Variants in SORCS1 observed in about 807,000 individuals in gnomAD.
SORCS1 encodes the protein sortilin related VPS10 domain containing receptor 1, also known as VPS10 domain-containing receptor SorCS1.
In SORCS1, 60 loss-of-function variants were observed where a neutral mutation model predicts 146.1. The ratio of observed to expected loss-of-function variants is 0.41; its 90% CI spans 0.33 to 0.51. The LOEUF (loss-of-function observed/expected upper bound fraction) is 0.51. Ranked by LOEUF, SORCS1 falls within the 20% of genes least tolerant of loss-of-function variation. The pLI is 0.21. For missense variants in SORCS1, 1,352 were observed against 1,487.6 expected (o/e 0.91, Z 1.50); for synonymous variants, 637 against 584.0 (o/e 1.09, Z -1.31).
chr10:106,876,001 A>C lies in SORCS1; in HGVS notation c.627-46328T>G, dbSNP rs570704095. 5.9e-5 allele frequency among the ~76,000 whole-genome samples: 9 copies of C among 152,206 alleles called. No homozygotes were observed. The South Asian group carries it at 1.5e-3, about 25-fold the overall frequency. On this transcript the variant is annotated intron_variant, in intron 2 of 25. Coordinates refer to ENST00000263054, the MANE Select transcript of SORCS1 (RefSeq NM_052918.5). ...TTATCATTTGCCTCAAAATATAGTC[A>C]TTTATAATTATTTTGATTTATAAAT...
chr10:106,972,401 T>A (rs1193810734), intron 1 of SORCS1, among the ~76,000 whole-genome samples: 2 of 146,972 alleles, frequency 1.4e-5, no homozygotes, highest in African/African-American at 2.6e-5. Flanking sequence ...AAAAAAAAAA[T>A]TAGAATTCCC....
At chr10:106,618,857 A>T (rs1847553164) in intron 20 of SORCS1, among the ~76,000 whole-genome samples, 1 of 152,148 alleles carries the variant, frequency 6.6e-6, no homozygotes. Flanking sequence ...ACAAGCACTA[A>T]TTGGATAGTG....
chr10:106,927,187 G>A (rs1270849103), intron 2 of SORCS1, among the ~76,000 whole-genome samples: 4 of 152,058 alleles, frequency 2.6e-5, no homozygotes, highest in Admixed American at 1.3e-4. Context: ...GTGGACCCTC[G>A]CAGTGAGTGT....
intron 5 of SORCS1, among the ~76,000 whole-genome samples, chr10:106,755,168 T>G (rs1858541528): frequency 6.6e-6 from 1 of 152,234 alleles, no homozygotes; most frequent in African/African-American, 2.4e-5. Flanking sequence ...CACCACCATG[T>G]TCTTTGTTCA....
In SORCS1 at chr10:106,574,774, C is replaced by A. The variant is rs1844508024; in HGVS notation, c.*2646G>T. The A allele has an allele frequency of 6.6e-6, 1 of 152,414 alleles. No individual in the cohort carries two copies. The highest frequency in any genetic ancestry group is 2.4e-5 in the African/African-American group (1 of 41,432). 9.4% of individuals were successfully genotyped at this position (152,414 alleles called of 1,614,324 possible). ...CAATGAGGTCCTCCTCTCTGAGCAG[C>A]ACCTTGCCTCACTAATCTCCTACAG... is the stretch of plus-strand genomic sequence containing the variant. On this transcript the variant is annotated 3_prime_UTR_variant, in exon 26 of 26. Transcript: ENST00000263054.
chr10:106,621,496 C>A (rs547663824), intron 19 of SORCS1, among the ~76,000 whole-genome samples: 1 of 151,596 alleles, frequency 6.6e-6, no homozygotes. Context: ...CTTTTTCACT[C>A]TCTACAGACT....
chr10:107,143,192 T>C (rs1272975023), intron 1 of SORCS1, among the ~76,000 whole-genome samples: 1 of 152,208 alleles, frequency 6.6e-6, no homozygotes, highest in Non-Finnish European at 1.5e-5. Flanking sequence ...TACAAGTAGC[T>C]TTGCAACTGG....
chr10:107,039,490 G>A (rs1959069127), intron 1 of SORCS1, among the ~76,000 whole-genome samples: 1 of 152,170 alleles, frequency 6.6e-6, no homozygotes, highest in South Asian at 2.1e-4. Context: ...ATGAGCCAAA[G>A]TCACTTAAAT....
At chr10:106,652,343 G>T in intron 18 of SORCS1, 39 bp downstream of exon 18, 1 of 1,497,638 alleles carries the variant, frequency 6.7e-7, no homozygotes. Flanking sequence ...AAAAATCACT[G>T]GCCCTAGAAA....
rs1342805867 is a variant in SORCS1 at position 106,577,315 on chromosome 10, G to C, written c.*105C>G. 2 of 1,604,954 alleles carry C rather than the reference G, an allele frequency of 1.2e-6. No individual in the cohort carries two copies. Among genetic ancestry groups the C allele is most frequent in the South Asian group, 1.1e-5 (1 of 89,322 alleles). On this transcript the variant is annotated 3_prime_UTR_variant, in exon 26 of 26. Coordinates refer to ENST00000263054, the MANE Select transcript of SORCS1 (RefSeq NM_052918.5). ...CAAAATAGGAAACAGAACAACAAAG[G>C]AAAGAAAAAAAACACAAAGTTAGTG...
At chr10:106,992,166 T>C (rs1038963573) in intron 1 of SORCS1, among the ~76,000 whole-genome samples, 20 of 152,216 alleles carry the variant, frequency 1.3e-4, no homozygotes, top group African/African-American at 4.6e-4. Flanking sequence ...GGTACACACC[T>C]CTCTCAAGCA....
chr10:107,028,810 G>C (rs904639728), intron 1 of SORCS1, among the ~76,000 whole-genome samples: 1 of 152,154 alleles, frequency 6.6e-6, no homozygotes, highest in African/African-American at 2.4e-5. Flanking sequence ...TTTCACTGAA[G>C]GGCATCACAG....
At chr10:106,922,326 C>A (rs1952754837) in intron 2 of SORCS1, among the ~76,000 whole-genome samples, 4 of 152,116 alleles carry the variant, frequency 2.6e-5, no homozygotes, top group South Asian at 4.1e-4. Context: ...GAGATAAGAG[C>A]AGCTGACTTC....
chr10:106,969,600 C>A (rs1221159056), intron 1 of SORCS1, among the ~76,000 whole-genome samples: 1 of 152,078 alleles, frequency 6.6e-6, no homozygotes, highest in African/African-American at 2.4e-5. Flanking sequence ...AATACAAAGT[C>A]ATAAAGAAAA....
intron 1 of SORCS1, among the ~76,000 whole-genome samples, chr10:107,146,924 A>C (rs1361059301): frequency 6.6e-6 from 1 of 152,132 alleles, no homozygotes; most frequent in Non-Finnish European, 1.5e-5. Flanking sequence ...TAATAACAGT[A>C]CCTACTTCCT....
intron 1 of SORCS1, among the ~76,000 whole-genome samples, chr10:107,046,610 G>A (rs17095124): frequency 0.011 from 1,622 of 152,222 alleles, 15 homozygotes; most frequent in South Asian, 0.029. Context: ...ATTGGGCACT[G>A]ACATGAGCCT....
At chr10:106,577,794 G>T in intron 25 of SORCS1, 1 of 596,698 alleles carries the variant, frequency 1.7e-6, no homozygotes, top group Non-Finnish European at 2.5e-6. Flanking sequence ...TGGACTTGAA[G>T]GCAGAAAAGA....
intron 1 of SORCS1, among the ~76,000 whole-genome samples, chr10:106,992,156 G>A (rs1475010995): frequency 6.6e-6 from 1 of 152,026 alleles, no homozygotes; most frequent in Non-Finnish European, 1.5e-5. Flanking sequence ...TTTACTTCTC[G>A]GTACACACCT....
chr10:107,017,133 C>T (rs1957931297), intron 1 of SORCS1, among the ~76,000 whole-genome samples: 1 of 152,164 alleles, frequency 6.6e-6, no homozygotes, highest in South Asian at 2.1e-4. Flanking sequence ...CTCTATAACC[C>T]AGAAATTCCA....
Sources: gnomAD v4.1 joint callset for allele counts (sites outside exome capture counted in the v4.1 genomes callset) on GRCh38, gnomAD v4.1.1 for gene constraint, MANE v1.5 for transcripts, NCBI Gene and HGNC (gene_info 2026-07-23, HGNC 2026-07-21) for gene names.